The following UBAP2 variants were observed in gnomAD, a reference collection of about 807,000 sequenced individuals.
The protein encoded by UBAP2 is ubiquitin-associated protein 2.
A neutral mutation model predicts 139.6 loss-of-function variants in UBAP2; 75 were observed. That is an observed-to-expected ratio of 0.54 (90% CI 0.45 to 0.65). The LOEUF (loss-of-function observed/expected upper bound fraction) is 0.65. Among genes scored for constraint, UBAP2 ranks in the 30% least tolerant of loss-of-function variants. UBAP2 has a pLI of 0.00. For synonymous variants in UBAP2, 526 were observed against 526.2 expected (o/e 1.00, Z 0.01); for missense variants, 1,368 against 1,369.6 (o/e 1.00, Z 0.02).
In UBAP2 at chr9:34,006,061, T is replaced by A. The variant is rs967054101; in HGVS notation, c.100-7197A>T. On this transcript the variant is annotated intron_variant, in intron 2 of 28. Transcript: ENST00000379238. ...GCCTGGCCACCACAGTGAAACCCCA[T>A]CTCTACTAAAAATACAAAAAAATTA... 3.3e-5 allele frequency among the ~76,000 whole-genome samples: 5 copies of A among 151,498 alleles called. No individual in the cohort carries two copies. The South Asian group carries it at 1.0e-3, about 32-fold the overall frequency.
chr9:34,042,477 CAAAAA>C (rs10713651), intron 1 of UBAP2, among the ~76,000 whole-genome samples: 3 of 106,164 alleles, frequency 2.8e-5, no homozygotes, highest in Admixed American at 2.0e-4. Flanking sequence ...GACTCCGTCT[CAAAAA>C]AAAAAAAAAA....
In UBAP2 at chr9:33,944,483, G is replaced by C. The variant is rs1411379024; in HGVS notation, c.1427C>G (p.Thr476Ser). The change falls in exon 14 of 29, where the codon ACT becomes AGT. Residue 476 changes from threonine (T) to serine (S), a missense_variant. Physicochemically the swap from Thr to Ser is moderately conservative, Grantham distance 58. Transcript: ENST00000379238. ...GGGAAGCTGCAAAAGCTTGTTCACA[G>C]TGGAGGGACTGTCTCCAGGTGTTGA... The part of the protein sequence containing the change: ...RESTPGDSPS[T>S]VNKLLQLPST... 6.2e-7 allele frequency: 1 copy of C among 1,614,166 alleles called. No individual in the cohort carries two copies. The highest frequency in any genetic ancestry group is 8.5e-7 in the Non-Finnish European group (1 of 1,180,050).
intron 1 of UBAP2, among the ~76,000 whole-genome samples, chr9:34,019,121 T>C (rs1419248674): frequency 1.3e-5 from 2 of 151,974 alleles, no homozygotes; most frequent in Non-Finnish European, 2.9e-5. Flanking sequence ...CAAATAAGGC[T>C]AGGGTGCAGT....
At chr9:33,947,504 G>C (rs950164443) in intron 13 of UBAP2, among the ~76,000 whole-genome samples, 1 of 152,162 alleles carries the variant, frequency 6.6e-6, no homozygotes, top group African/African-American at 2.4e-5. Flanking sequence ...GTTAGAATGA[G>C]AAAGCATGAG....
chr9:34,031,453 G>A (rs1825882072), intron 1 of UBAP2, among the ~76,000 whole-genome samples: 1 of 151,924 alleles, frequency 6.6e-6, no homozygotes, highest in Non-Finnish European at 1.5e-5. Context: ...GATTACAGAT[G>A]CCCACCACCA....
intron 14 of UBAP2, among the ~76,000 whole-genome samples, chr9:33,944,066 T>TG (rs1423388484): frequency 6.6e-6 from 1 of 152,190 alleles, no homozygotes; most frequent in Non-Finnish European, 1.5e-5. Context: ...AAGTATCACC[T>TG]GGTCAAGGAA....
chr9:34,022,090 C>T (rs1295802086), intron 1 of UBAP2, among the ~76,000 whole-genome samples: 1 of 151,922 alleles, frequency 6.6e-6, no homozygotes, highest in African/African-American at 2.4e-5. Flanking sequence ...ATTAAAAATT[C>T]AAAAATTAGC....
At chr9:33,952,032 T>C (rs1271144125) in intron 12 of UBAP2, among the ~76,000 whole-genome samples, 1 of 152,168 alleles carries the variant, frequency 6.6e-6, no homozygotes. Flanking sequence ...GCCCAACACA[T>C]GATATGGCTA....
chr9:33,974,855 G>A (rs993858665), intron 6 of UBAP2, among the ~76,000 whole-genome samples: 1 of 146,122 alleles, frequency 6.8e-6, no homozygotes, highest in African/African-American at 2.5e-5. Context: ...CAGGAGAATC[G>A]CTTGAACCCA....
At chr9:33,926,746 G>A in intron 21 of UBAP2, 82 bp from the exon 22 acceptor site, 1 of 1,466,250 alleles carries the variant, frequency 6.8e-7, no homozygotes. Context: ...GTCAAAACAA[G>A]GTTGGGGGGC....
At chr9:34,043,476 T>G (rs1044939806) in intron 1 of UBAP2, among the ~76,000 whole-genome samples, 1 of 152,182 alleles carries the variant, frequency 6.6e-6, no homozygotes, top group African/African-American at 2.4e-5. Flanking sequence ...CTATGCTGTA[T>G]TTTTCAATAA....
intron 1 of UBAP2, among the ~76,000 whole-genome samples, chr9:34,041,298 CA>C (rs34270173): frequency 0.6 from 80,265 of 134,138 alleles, 23,159 homozygotes; most frequent in East Asian, 0.77. Flanking sequence ...ACTAAAAATG[CA>C]AAAAAAAAAA....
At chr9:33,956,320 T>A (rs1306828100) in intron 10 of UBAP2, among the ~76,000 whole-genome samples, 174 bp from the exon 11 acceptor site, 1 of 100,182 alleles carries the variant, frequency 1.0e-5, no homozygotes, top group Non-Finnish European at 2.5e-5. Context: ...GAATGCAATT[T>A]TTTTTTTTTT....
intron 2 of UBAP2, among the ~76,000 whole-genome samples, chr9:34,014,358 C>A (rs746078056): frequency 7.7e-6 from 1 of 129,360 alleles, no homozygotes; most frequent in South Asian, 2.5e-4. Context: ...AGGTCAGGTG[C>A]GGTGGCTCAC....
intron 8 of UBAP2, among the ~76,000 whole-genome samples, chr9:33,971,063 A>G (rs1487582898): frequency 6.6e-6 from 1 of 152,152 alleles, no homozygotes; most frequent in Non-Finnish European, 1.5e-5. Flanking sequence ...TCGGCCTCCC[A>G]AAGTGCTGGG....
intron 1 of UBAP2, among the ~76,000 whole-genome samples, chr9:34,046,848 A>G (rs1827648837): frequency 1.3e-5 from 2 of 152,118 alleles, no homozygotes; most frequent in African/African-American, 2.4e-5. Context: ...TCCCCATACA[A>G]TAAAAGTCAC....
intron 1 of UBAP2, among the ~76,000 whole-genome samples, chr9:34,042,900 C>T (rs1587708367): frequency 2.0e-5 from 3 of 152,100 alleles, no homozygotes; most frequent in Middle Eastern, 6.8e-3. Flanking sequence ...AGCAAGACTC[C>T]TCTCTACAAA....
At chr9:34,017,796 A>G (rs565664024) in intron 1 of UBAP2, among the ~76,000 whole-genome samples, 1 of 152,146 alleles carries the variant, frequency 6.6e-6, no homozygotes, top group East Asian at 1.9e-4. Context: ...GCATGGTGGC[A>G]GGCATCTGTA....
At chr9:34,031,195 T>C (rs901248260) in intron 1 of UBAP2, among the ~76,000 whole-genome samples, 1 of 150,906 alleles carries the variant, frequency 6.6e-6, no homozygotes, top group African/African-American at 2.4e-5. Flanking sequence ...AGGAATCGCT[T>C]GAACCCAGGA....
Sources: allele counts gnomAD v4.1 joint callset (sites outside exome capture counted in the v4.1 genomes callset), GRCh38; gene constraint gnomAD v4.1.1; transcripts MANE v1.5; gene names NCBI Gene and HGNC (gene_info 2026-07-23, HGNC 2026-07-21).